The following CFAP20DC variants were observed in gnomAD, a reference collection of about 807,000 sequenced individuals.
CFAP20DC encodes protein CFAP20DC.
Under a neutral mutation model 101.7 loss-of-function variants are expected in CFAP20DC, and 84 were observed. That is an observed-to-expected ratio of 0.83 (90% CI 0.69 to 0.99). The LOEUF (loss-of-function observed/expected upper bound fraction) is 0.99, where lower values mean the gene tolerates loss of function less well. Ranked by LOEUF, CFAP20DC falls within the 50% of genes least tolerant of loss-of-function variation. The pLI is 0.00. For missense variants in CFAP20DC, 1,007 were observed against 970.3 expected, an observed-to-expected ratio of 1.04 and a Z score of -0.50; for synonymous variants, 359 against 351.2, an observed-to-expected ratio of 1.02 and a Z score of -0.25.
chr3:58,724,413 G>A lies in CFAP20DC; in HGVS notation c.198-6785C>T, dbSNP rs549253922. On this transcript the variant is annotated intron_variant, in intron 3 of 3. Coordinates refer to the CFAP20DC transcript ENST00000486145. This position sits in a 1 kb window ranked among gnomAD's most constrained non-coding sequence, Gnocchi z 5.6. ...GCCCTCATGTTCCCATGCTTAGAGCGAGACCCTCTCTCTTATCTGTAAACA... is the reference window on the plus strand; with the variant it reads ...GCCCTCATGTTCCCATGCTTAGAGCAAGACCCTCTCTCTTATCTGTAAACA... Among the ~76,000 whole-genome samples, 1 of 152,218 alleles carries A rather than the reference G, an allele frequency of 6.6e-6. No homozygotes were observed. Among genetic ancestry groups the A allele is most frequent in the Admixed American group, 6.5e-5 (1 of 15,300 alleles).
intron 15 of CFAP20DC, among the ~76,000 whole-genome samples, chr3:58,771,119 G>C (rs375495453): frequency 8.1e-4 from 123 of 152,264 alleles, no homozygotes; most frequent in Middle Eastern, 3.4e-3. Context: ...GATGAAGCTG[G>C]AAACTGTCAT....
intron 15 of CFAP20DC, among the ~76,000 whole-genome samples, chr3:58,754,711 G>A (rs1369227662): frequency 2.0e-5 from 3 of 152,114 alleles, no homozygotes; most frequent in South Asian, 2.1e-4. Flanking sequence ...TACTTCCTAC[G>A]GTATTAATCT....
intron 7 of CFAP20DC, among the ~76,000 whole-genome samples, chr3:58,881,552 T>A (rs1380557821): frequency 3.9e-5 from 6 of 152,152 alleles, no homozygotes; most frequent in Non-Finnish European, 8.8e-5. Flanking sequence ...TCAAGTTATA[T>A]GCTATTCAAC....
intron 13 of CFAP20DC, among the ~76,000 whole-genome samples, chr3:58,842,803 C>A (rs1274950322): frequency 1.3e-5 from 2 of 152,216 alleles, no homozygotes; most frequent in Non-Finnish European, 2.9e-5. Flanking sequence ...TCCCAGCACG[C>A]AGCTGGAGAT....
intron 14 of CFAP20DC, among the ~76,000 whole-genome samples, chr3:58,810,253 A>G (rs2074497938): frequency 6.6e-6 from 1 of 152,112 alleles, no homozygotes; most frequent in African/African-American, 2.4e-5. Context: ...ACAACCAAAA[A>G]AGAGAATTTT....
At chr3:58,813,779 T>C (rs1288150226) in intron 14 of CFAP20DC, among the ~76,000 whole-genome samples, 2 of 152,034 alleles carry the variant, frequency 1.3e-5, no homozygotes, top group East Asian at 3.9e-4. Flanking sequence ...AATTTAAATG[T>C]ACTCAGATAC....
intron 5 of CFAP20DC, among the ~76,000 whole-genome samples, chr3:58,930,958 A>C (rs2086574137): frequency 1.3e-5 from 2 of 152,200 alleles, no homozygotes; most frequent in Non-Finnish European, 2.9e-5. Flanking sequence ...GAGCCGAAGC[A>C]GGGCGAGGCA....
chr3:58,978,502 A>T (rs1352353128), intron 4 of CFAP20DC, among the ~76,000 whole-genome samples: 1 of 152,070 alleles, frequency 6.6e-6, no homozygotes, highest in Non-Finnish European at 1.5e-5. Context: ...TGATGCTAGG[A>T]GTTCGAGACC....
chr3:59,039,293 A>G (rs2109220414), intron 4 of CFAP20DC, among the ~76,000 whole-genome samples: 1 of 152,248 alleles, frequency 6.6e-6, no homozygotes, highest in East Asian at 1.9e-4. Context: ...TCTTCAAGTT[A>G]TAGGTCATTT....
chr3:58,762,311 T>A (rs1038294127), intron 15 of CFAP20DC, among the ~76,000 whole-genome samples: 10 of 152,222 alleles, frequency 6.6e-5, no homozygotes, highest in Non-Finnish European at 4.4e-5. Context: ...TTGTCTCTTC[T>A]GATCTTTGTT....
At chr3:58,879,245 C>T (rs1041871133) in intron 7 of CFAP20DC, among the ~76,000 whole-genome samples, 1 of 152,092 alleles carries the variant, frequency 6.6e-6, no homozygotes. Context: ...ATGTTAACTT[C>T]TCTGATTTGA....
In CFAP20DC at chr3:58,908,114, T is replaced by C. The variant is rs542121172; in HGVS notation, c.550+5594A>G. 2.0e-5 allele frequency among the ~76,000 whole-genome samples: 3 copies of C among 152,290 alleles called. No homozygotes were observed. In the East Asian group the frequency reaches 5.8e-4, roughly 29 times the overall value. Reference sequence around the variant, plus strand: ...GTACTACAAAATTATAAGAAAAAAATCACTGTTACCCTTTCACCTAAGGCT... The same window carrying C: ...GTACTACAAAATTATAAGAAAAAAACCACTGTTACCCTTTCACCTAAGGCT... On this transcript the variant is annotated intron_variant, in intron 6 of 16. Coordinates refer to ENST00000482387, the MANE Select transcript of CFAP20DC (RefSeq NM_001394063.1).
chr3:59,006,720 G>A lies in CFAP20DC; in HGVS notation c.278+32837C>T, dbSNP rs889364273. Reference sequence around the variant, plus strand: ...ACAATATCTCATAGAGGCCCTAGGGGAAGACAGCCAGCAGAATTAGGGAGG... The same window carrying A: ...ACAATATCTCATAGAGGCCCTAGGGAAAGACAGCCAGCAGAATTAGGGAGG... On this transcript the variant is annotated intron_variant, in intron 4 of 16. Transcript: ENST00000482387. The surrounding 1 kb of genome is among the most constrained non-coding windows in gnomAD (Gnocchi z 4.3). 6.6e-6 allele frequency among the ~76,000 whole-genome samples: 1 copy of A among 152,202 alleles called. No homozygotes were observed. Among genetic ancestry groups the A allele is most frequent in the Non-Finnish European group, 1.5e-5 (1 of 68,050 alleles).
In CFAP20DC at chr3:58,794,378, A is replaced by T. The variant is rs114913648; in HGVS notation, c.2237+12017T>A. The T allele has an allele frequency of 2.2e-3, 1,005 of 455,242 alleles. 8 individuals carry two copies. The highest frequency in any genetic ancestry group is 0.017 in the African/African-American group (869 of 50,190). The allele number at this position is 455,242 out of a possible 1,614,324, so 28.2% of individuals were successfully genotyped here. Reference sequence around the variant, plus strand: ...AAAGAGTCAACAGAACAATAATGATAGTGTTAATTCAGTCAAATACACTAA... The same window carrying T: ...AAAGAGTCAACAGAACAATAATGATTGTGTTAATTCAGTCAAATACACTAA... On this transcript the variant is annotated intron_variant, in intron 15 of 16. Transcript: ENST00000482387.
At chr3:58,970,076 CTT>C (rs2091860115) in intron 4 of CFAP20DC, among the ~76,000 whole-genome samples, 1 of 151,982 alleles carries the variant, frequency 6.6e-6, no homozygotes, top group African/African-American at 2.4e-5. Context: ...GATGATGAGA[CTT>C]TGGGTAAATG....
intron 5 of CFAP20DC, among the ~76,000 whole-genome samples, chr3:58,925,682 A>G (rs2085881959): frequency 6.6e-6 from 1 of 152,204 alleles, no homozygotes; most frequent in South Asian, 2.1e-4. Flanking sequence ...GTCATAGGCT[A>G]CTCAATCCTA....
intron 11 of CFAP20DC, among the ~76,000 whole-genome samples, chr3:58,865,553 C>CG (rs140300858): frequency 2.1e-3 from 316 of 152,304 alleles, no homozygotes; most frequent in African/African-American, 7.1e-3. Flanking sequence ...TCCTGAGTCA[C>CG]TGTAGCTTTG....
chr3:58,922,520 C>T (rs560374189), intron 5 of CFAP20DC, among the ~76,000 whole-genome samples: 2 of 152,240 alleles, frequency 1.3e-5, no homozygotes, highest in East Asian at 3.9e-4. Context: ...ACTCTTAGTT[C>T]TCATGAGAAC....
At chr3:58,981,687 A>T (rs931794372) in intron 4 of CFAP20DC, among the ~76,000 whole-genome samples, 1 of 152,222 alleles carries the variant, frequency 6.6e-6, no homozygotes, top group African/African-American at 2.4e-5. Context: ...ACTTCCTTAC[A>T]CCTTAAACAA....
Sources: allele counts gnomAD v4.1 joint callset (sites outside exome capture counted in the v4.1 genomes callset), GRCh38; gene constraint gnomAD v4.1.1; non-coding constraint Gnocchi (gnomAD v3.1); transcripts MANE v1.5; gene names NCBI Gene and HGNC (gene_info 2026-07-23, HGNC 2026-07-21).